SPTAN1: variants seen among roughly 807,000 people sequenced by gnomAD.
SPTAN1 encodes spectrin alpha, non-erythrocytic 1, also known as spectrin alpha chain, non-erythrocytic 1.
SPTAN1 carries 61 observed loss-of-function variants against 331.3 expected under a neutral mutation model. The observed-to-expected ratio is 0.18, with a 90% confidence interval of 0.15 to 0.23. The LOEUF (loss-of-function observed/expected upper bound fraction) is 0.23, where lower values mean the gene tolerates loss of function less well. SPTAN1 is among the 10% of genes least tolerant of loss of function. The pLI, the probability that SPTAN1 is intolerant of heterozygous loss-of-function variation, is 1.00. For synonymous variants in SPTAN1, 1,153 were observed against 1,173.9 expected, an observed-to-expected ratio of 0.98 and a Z score of 0.36; for missense variants, 2,043 against 3,147.9, an observed-to-expected ratio of 0.65 and a Z score of 8.40.
At chr9:128,615,937 G>A (rs1398707860) in intron 41 of SPTAN1, 97 bp downstream of exon 41, 1 of 1,340,950 alleles carries the variant, frequency 7.5e-7, no homozygotes. Context: ...TGGAAACCCT[G>A]CTGGACTGGG....
intron 1 of SPTAN1, among the ~76,000 whole-genome samples, chr9:128,558,362 A>G (rs2132706521): frequency 6.6e-6 from 1 of 152,334 alleles, no homozygotes; most frequent in South Asian, 2.1e-4. Flanking sequence ...TTGCAAATAT[A>G]TACCTTTTTT....
intron 31 of SPTAN1, among the ~76,000 whole-genome samples, chr9:128,605,762 C>T (rs1429816651): frequency 2.0e-5 from 3 of 152,164 alleles, no homozygotes; most frequent in East Asian, 1.9e-4. Flanking sequence ...TAGGCCAAGG[C>T]GGGCAGATCA....
At chr9:128,562,971 A>T (rs58583132) in intron 1 of SPTAN1, among the ~76,000 whole-genome samples, 98,142 of 119,002 alleles carry the variant, frequency 0.82, 39,741 homozygotes, top group Non-Finnish European at 0.91. Context: ...TCTAAAAAAA[A>T]ATATATATAT....
intron 12 of SPTAN1, 102 bp downstream of exon 12, chr9:128,581,994 C>G (rs1852004707): frequency 3.4e-6 from 3 of 876,530 alleles, no homozygotes; most frequent in East Asian, 2.4e-5. Context: ...GATTCATATG[C>G]AGAGTACTCC....
At chr9:128,605,863 GC>G (rs1403497556) in intron 31 of SPTAN1, among the ~76,000 whole-genome samples, 2 of 151,878 alleles carry the variant, frequency 1.3e-5, no homozygotes, top group African/African-American at 2.4e-5. Flanking sequence ...GTGGTGGCAG[GC>G]ATCTGTAATC....
chr9:128,593,920 G>A (rs893479610), intron 23 of SPTAN1: 25 of 496,320 alleles, frequency 5.0e-5, no homozygotes, highest in East Asian at 8.0e-5. Flanking sequence ...GTGCAGAATC[G>A]GCCTGGGGAT....
At chr9:128,569,363 A>G (rs1850394182) in intron 3 of SPTAN1, among the ~76,000 whole-genome samples, 1 of 152,076 alleles carries the variant, frequency 6.6e-6, no homozygotes, top group Admixed American at 6.6e-5. Context: ...TCCAGCTCTA[A>G]GGAATGATGT....
At chr9:128,615,288 G>A (rs35729656) in intron 40 of SPTAN1, among the ~76,000 whole-genome samples, 1,749 of 152,114 alleles carry the variant, frequency 0.011, 21 homozygotes, top group Middle Eastern at 0.024. Flanking sequence ...CCTTTTTAAG[G>A]ACATTTTTAA....
At chr9:128,578,312 T>C in intron 9 of SPTAN1, 67 bp downstream of exon 9, 1 of 1,593,076 alleles carries the variant, frequency 6.3e-7, no homozygotes, top group Admixed American at 1.7e-5. Flanking sequence ...TTTATCAGTG[T>C]TGGGTGAGGC....
At chr9:128,579,615 G>A (rs1479590288) in intron 9 of SPTAN1, 22 bp from the exon 10 acceptor site, 2 of 1,599,510 alleles carry the variant, frequency 1.3e-6, no homozygotes, top group Admixed American at 1.7e-5. Flanking sequence ...ACAAATCATG[G>A]CTTTGTTTTT....
chr9:128,610,337 C>T (rs1856425104), intron 37 of SPTAN1, among the ~76,000 whole-genome samples: 1 of 152,134 alleles, frequency 6.6e-6, no homozygotes, highest in East Asian at 1.9e-4. Context: ...AAAGGGTGAT[C>T]AGAACAAGGA....
rs1039359109 is a variant in SPTAN1 at position 128,627,680 on chromosome 9, G to A, written c.6689+182G>A. On this transcript the variant is annotated intron_variant, in intron 50 of 56. Transcript: ENST00000372739. This position sits in a 1 kb window ranked among gnomAD's most constrained non-coding sequence, Gnocchi z 4.9. ...CGGGAGTGGGGGCATAGGTGGAGCAGCCTCTCAGTGCTGCATGTCCCAGAC... is the reference window on the plus strand; with the variant it reads ...CGGGAGTGGGGGCATAGGTGGAGCAACCTCTCAGTGCTGCATGTCCCAGAC... 6 of 776,922 alleles carry A rather than the reference G, an allele frequency of 7.7e-6. No homozygotes were observed. The highest frequency in any genetic ancestry group is 7.6e-5 in the South Asian group (5 of 65,888). 48.1% of individuals were successfully genotyped at this position (776,922 alleles called of 1,614,324 possible).
At chr9:128,583,639 C>T (rs2131147242) in intron 15 of SPTAN1, 149 bp from the exon 16 acceptor site, 1 of 852,492 alleles carries the variant, frequency 1.2e-6, no homozygotes. Flanking sequence ...GCAGAGGCTG[C>T]AATTGATATT....
intron 1 of SPTAN1, among the ~76,000 whole-genome samples, chr9:128,557,002 G>A (rs1431464523): frequency 6.6e-6 from 1 of 152,168 alleles, no homozygotes; most frequent in Non-Finnish European, 1.5e-5. Context: ...TTGGTAATAG[G>A]CTGGCATCCT....
intron 1 of SPTAN1, chr9:128,555,468 C>A: frequency 8.2e-7 from 1 of 1,213,658 alleles, no homozygotes; most frequent in Non-Finnish European, 1.1e-6. Context: ...AAGGCATATT[C>A]GTGTCAAAGA....
intron 3 of SPTAN1, among the ~76,000 whole-genome samples, chr9:128,573,684 G>A (rs958415954): frequency 6.6e-6 from 1 of 151,838 alleles, no homozygotes; most frequent in Non-Finnish European, 1.5e-5. Context: ...TCGAACTCCC[G>A]ACCTCCTGAT....
At chr9:128,621,105 C>G (rs1857793453) in intron 44 of SPTAN1, 53 bp from the exon 45 acceptor site, 1 of 1,553,168 alleles carries the variant, frequency 6.4e-7, no homozygotes. Context: ...CGGGGCCTAG[C>G]CCACAACACA....
At chr9:128,561,370 CA>C (rs1362490259) in intron 1 of SPTAN1, among the ~76,000 whole-genome samples, 77 of 81,480 alleles carry the variant, frequency 9.5e-4, no homozygotes, top group Admixed American at 1.1e-3. Context: ...GACTCCATCT[CA>C]AAAAAAAAAA....
At chr9:128,607,472 C>G in intron 31 of SPTAN1, 132 bp from the exon 32 acceptor site, 1 of 817,348 alleles carries the variant, frequency 1.2e-6, no homozygotes, top group South Asian at 1.5e-5. Flanking sequence ...AAAGACCTAG[C>G]CTCATTCAGT....
Sources: allele counts gnomAD v4.1 joint callset (sites outside exome capture counted in the v4.1 genomes callset), GRCh38; gene constraint gnomAD v4.1.1; non-coding constraint Gnocchi (gnomAD v3.1); transcripts MANE v1.5; gene names NCBI Gene and HGNC (gene_info 2026-07-23, HGNC 2026-07-21).